IMMP2L: variants seen among roughly 807,000 people sequenced by gnomAD.
The protein encoded by IMMP2L is mitochondrial inner membrane protease subunit 2.
Under a neutral mutation model 19.3 loss-of-function variants are expected in IMMP2L, and 18 were observed. The observed-to-expected ratio is 0.93, with a 90% CI of 0.64 to 1.38. IMMP2L has a LOEUF of 1.38. Ranked by LOEUF, IMMP2L falls within the 40% of genes most tolerant of loss-of-function variation. The pLI is 0.00. For synonymous variants in IMMP2L, 76 were observed against 73.0 expected, an observed-to-expected ratio of 1.04 and a Z score of -0.21; for missense variants, 233 against 218.2, an observed-to-expected ratio of 1.07 and a Z score of -0.43.
intron 3 of IMMP2L, among the ~76,000 whole-genome samples, chr7:110,983,356 C>T (rs557718325): frequency 2.6e-4 from 40 of 151,734 alleles, no homozygotes; most frequent in Middle Eastern, 6.9e-3. Flanking sequence ...AGACTTAATG[C>T]TGTAACTTGA....
At chr7:111,417,625 A>T (rs1308200872) in intron 3 of IMMP2L, among the ~76,000 whole-genome samples, 1 of 151,802 alleles carries the variant, frequency 6.6e-6, no homozygotes, top group African/African-American at 2.4e-5. Flanking sequence ...CGAGAACTAA[A>T]GATTTGTGGC....
intron 5 of IMMP2L, among the ~76,000 whole-genome samples, chr7:110,880,250 T>C (rs955914368): frequency 6.6e-6 from 1 of 152,040 alleles, no homozygotes; most frequent in African/African-American, 2.4e-5. Context: ...GGCTCCTTTA[T>C]GCAAAAAAGA....
In IMMP2L at chr7:111,213,778, C is replaced by T. The variant is rs1320887999; in HGVS notation, c.240-250213G>A. ...ACACCAGAGTCTCCTATCTAATGAG[C>T]GCTGAACATTTGAAGGAATGACCTG... On this transcript the variant is annotated intron_variant, in intron 3 of 5. Coordinates refer to ENST00000405709, the MANE Select transcript of IMMP2L (RefSeq NM_032549.4). This position sits in a 1 kb window ranked among gnomAD's most constrained non-coding sequence, Gnocchi z 4.8. 3.3e-5 allele frequency among the ~76,000 whole-genome samples: 5 copies of T among 152,156 alleles called. No homozygotes were observed. The highest frequency in any genetic ancestry group is 1.3e-4 in the Admixed American group (2 of 15,286).
At chr7:110,742,798 T>C (rs558399387) in intron 5 of IMMP2L, among the ~76,000 whole-genome samples, 44 of 151,850 alleles carry the variant, frequency 2.9e-4, no homozygotes, top group African/African-American at 1.0e-3. Context: ...ATTTATACTT[T>C]CAGAGACTAT....
chr7:111,127,357 C>T (rs1194333812), intron 3 of IMMP2L, among the ~76,000 whole-genome samples: 1 of 152,060 alleles, frequency 6.6e-6, no homozygotes, highest in Non-Finnish European at 1.5e-5. Flanking sequence ...AACCTATCTG[C>T]CTGAAGAAGT....
intron 5 of IMMP2L, among the ~76,000 whole-genome samples, chr7:110,873,367 T>G (rs799626): frequency 0.49 from 70,462 of 143,480 alleles, 17,144 homozygotes; most frequent in East Asian, 0.69. Flanking sequence ...GGAACAGGTT[T>G]CAGTGAGCCA....
chr7:111,018,935 A>T (rs1018730713), intron 3 of IMMP2L, among the ~76,000 whole-genome samples: 1 of 147,600 alleles, frequency 6.8e-6, no homozygotes, highest in African/African-American at 2.6e-5. Flanking sequence ...CTTTCTAATA[A>T]CCTAAATCAG....
At chr7:111,421,590 G>T (rs1835558285) in intron 3 of IMMP2L, among the ~76,000 whole-genome samples, 1 of 151,608 alleles carries the variant, frequency 6.6e-6, no homozygotes, top group South Asian at 2.1e-4. Context: ...TTGTAAATTG[G>T]TTTGAGTACT....
intron 3 of IMMP2L, among the ~76,000 whole-genome samples, chr7:111,451,838 C>T (rs1839227827): frequency 6.6e-6 from 1 of 151,920 alleles, no homozygotes; most frequent in Non-Finnish European, 1.5e-5. Flanking sequence ...TACGTTTTCT[C>T]TCGATATATC....
At chr7:111,290,794 T>TTC (rs922999089) in intron 3 of IMMP2L, among the ~76,000 whole-genome samples, 29 of 137,722 alleles carry the variant, frequency 2.1e-4, no homozygotes, top group Non-Finnish European at 3.2e-4. Flanking sequence ...CTGTCTCTCT[T>TTC]TCTCTCTCTC....
At chr7:111,486,728 T>C (rs898477982) in intron 3 of IMMP2L, among the ~76,000 whole-genome samples, 1 of 152,144 alleles carries the variant, frequency 6.6e-6, no homozygotes, top group South Asian at 2.1e-4. Flanking sequence ...TGACCAGTCA[T>C]CATATTATAA....
rs201845369 is a variant in IMMP2L at position 111,281,140 on chromosome 7, CAGAAAGACAGAAAGACAGAAAGAAAGAA to C, written c.239+206070_239+206097del. On this transcript the variant is annotated intron_variant, in intron 3 of 5. Coordinates refer to ENST00000405709, the MANE Select transcript of IMMP2L (RefSeq NM_032549.4). ...AGAGAAAGAGAGAAAGAGAGAAAGA[CAGAAAGACAGAAAGACAGAAAGAAAGAA>C]AGAAAGAAAGAAAGAAAGAAAGAAA... Among the ~76,000 whole-genome samples, 196 of 60,746 alleles carry C rather than the reference CAGAAAGACAGAAAGACAGAAAGAAAGAA, an allele frequency of 3.2e-3. 5 individuals are homozygous for C. The highest frequency in any genetic ancestry group is 0.025 in the East Asian group (65 of 2,552). 39.9% of individuals were successfully genotyped at this position (60,746 alleles called of 152,430 possible). A position where few individuals can be genotyped will look rare whatever the true frequency, so the allele number is the denominator to read the frequency against.
chr7:110,853,698 C>T (rs964848430), intron 5 of IMMP2L, among the ~76,000 whole-genome samples: 2 of 151,948 alleles, frequency 1.3e-5, no homozygotes, highest in Non-Finnish European at 2.9e-5. Context: ...TCTAGAAGCA[C>T]CTGGTGAAAA....
intron 3 of IMMP2L, among the ~76,000 whole-genome samples, chr7:111,360,141 T>C (rs569000521): frequency 7.1e-6 from 1 of 140,700 alleles, no homozygotes; most frequent in East Asian, 1.9e-4. Context: ...AATTTCGCCA[T>C]AATGTCATTA....
rs762010178 is a variant in IMMP2L at position 111,487,186 on chromosome 7, A to G, written c.239+52T>C. The G allele has an allele frequency of 2.5e-4, 199 of 804,012 alleles. 1 individual carries two copies. The highest frequency in any genetic ancestry group is 7.7e-5 in the Admixed American group (4 of 51,756). 49.8% of individuals were successfully genotyped at this position (804,012 alleles called of 1,614,324 possible). ...ACAGTGGATTACCAGTTAAATCAGC[A>G]TAAGTATAAATAATTTTATATACAA... On this transcript the variant is annotated intron_variant, in intron 3 of 5. Coordinates refer to ENST00000405709, the MANE Select transcript of IMMP2L (RefSeq NM_032549.4).
rs112032441 is a variant in IMMP2L, at chr7:111,251,736, C to A, written c.239+235502G>T. ...GGGAGGGGAATACCACGAACTGGGGCCCATTGATGAGGATGGGGGAGGGAG... is the reference window on the plus strand; with the variant it reads ...GGGAGGGGAATACCACGAACTGGGGACCATTGATGAGGATGGGGGAGGGAG... On this transcript the variant is annotated intron_variant, in intron 3 of 5. Coordinates refer to ENST00000405709, the MANE Select transcript of IMMP2L (RefSeq NM_032549.4). 3.5e-3 allele frequency among the ~76,000 whole-genome samples: 534 copies of A among 151,978 alleles called. 4 individuals are homozygous for A. The highest frequency in any genetic ancestry group is 0.012 in the African/African-American group (506 of 41,432).
rs991187800 is a variant in IMMP2L at position 111,490,112 on chromosome 7, T to C, written c.136-2771A>G. On this transcript the variant is annotated intron_variant, in intron 2 of 5. Coordinates refer to ENST00000405709, the MANE Select transcript of IMMP2L (RefSeq NM_032549.4). ...CGCCTGCCCTCTTTTTTTTTTTTTT[T>C]TTTTTAAGAGGGTCTCGCTCTGTCA... 4.5e-4 allele frequency among the ~76,000 whole-genome samples: 68 copies of C among 150,538 alleles called. 1 individual carries two copies. The East Asian group carries it at 0.012, about 27-fold the overall frequency.
intron 3 of IMMP2L, among the ~76,000 whole-genome samples, chr7:111,222,749 T>C (rs897870335): frequency 6.6e-6 from 1 of 152,052 alleles, no homozygotes; most frequent in Non-Finnish European, 1.5e-5. Context: ...ATAGCAAAAC[T>C]ACTTTTGAAA....
intron 3 of IMMP2L, among the ~76,000 whole-genome samples, chr7:110,994,484 CT>C (rs1304969400): frequency 6.6e-6 from 1 of 152,162 alleles, no homozygotes; most frequent in African/African-American, 2.4e-5. Context: ...CGTAGCACTT[CT>C]AGAGCATGCC....
Sources: gnomAD v4.1 joint callset for allele counts (sites outside exome capture counted in the v4.1 genomes callset) on GRCh38, gnomAD v4.1.1 for gene constraint, Gnocchi (gnomAD v3.1) non-coding constraint, MANE v1.5 for transcripts, NCBI Gene and HGNC (gene_info 2026-07-23, HGNC 2026-07-21) for gene names.